ANKRD55: variants seen among roughly 807,000 people sequenced by gnomAD.
ANKRD55 encodes the protein ankyrin repeat domain 55, also known as ankyrin repeat domain-containing protein 55.
ANKRD55 carries 41 observed loss-of-function variants against 60.6 expected under a neutral mutation model. That is an observed-to-expected ratio of 0.68 (90% CI 0.53 to 0.88). The LOEUF is 0.88. Ranked by LOEUF, ANKRD55 falls within the 40% of genes least tolerant of loss-of-function variation. The pLI is 0.00. For missense variants in ANKRD55, 732 were observed against 767.6 expected, an observed-to-expected ratio of 0.95 and a Z score of 0.55; for synonymous variants, 264 against 290.3, an observed-to-expected ratio of 0.91 and a Z score of 0.92.
chr5:56,228,121 T>G lies in ANKRD55; in HGVS notation c.58+4735A>C, dbSNP rs557874910. 3.3e-5 allele frequency among the ~76,000 whole-genome samples: 5 copies of G among 152,310 alleles called. No individual in the cohort carries two copies. In the South Asian group the frequency reaches 1.0e-3, roughly 32 times the overall value. On this transcript the variant is annotated intron_variant, in intron 2 of 11. Transcript: ENST00000341048. ...TGTTCTAACCTCTAATCCTGGAACC[T>G]GTGGCTATTCCCTTACATGGCAAGA...
chr5:56,115,214 T>TAAATAAATA (rs147508174), intron 9 of ANKRD55, among the ~76,000 whole-genome samples: 38 of 144,678 alleles, frequency 2.6e-4, no homozygotes, highest in African/African-American at 8.9e-4. Context: ...ATAATAATAA[T>TAAATAAATA]AATAAATAAA....
At chr5:56,101,395 G>T (rs1756268549) in intron 11 of ANKRD55, among the ~76,000 whole-genome samples, 1 of 145,478 alleles carries the variant, frequency 6.9e-6, no homozygotes, top group Non-Finnish European at 1.6e-5. Flanking sequence ...ATGTGGAGGG[G>T]CTGTGTGTGT....
chr5:56,161,713 T>C (rs1199908057), intron 5 of ANKRD55, among the ~76,000 whole-genome samples: 3 of 152,160 alleles, frequency 2.0e-5, no homozygotes, highest in South Asian at 2.1e-4. Flanking sequence ...TGTATCTTCA[T>C]GTATATCAGA....
chr5:56,169,821 T>C (rs1265243103), intron 5 of ANKRD55, among the ~76,000 whole-genome samples: 1 of 152,128 alleles, frequency 6.6e-6, no homozygotes, highest in Non-Finnish European at 1.5e-5. Flanking sequence ...TTGGAAATGC[T>C]CAATTCCTGT....
At chr5:56,211,789 A>T (rs1480949487) in intron 2 of ANKRD55, among the ~76,000 whole-genome samples, 1 of 152,034 alleles carries the variant, frequency 6.6e-6, no homozygotes, top group Non-Finnish European at 1.5e-5. Context: ...TAGAGTTTAT[A>T]CTCACTGTAG....
At chr5:56,117,862 G>T (rs1333379808) in intron 8 of ANKRD55, among the ~76,000 whole-genome samples, 2 of 152,018 alleles carry the variant, frequency 1.3e-5, no homozygotes, top group East Asian at 3.8e-4. Flanking sequence ...GTCCTTCATG[G>T]CTAGGCACAG....
intron 2 of ANKRD55, among the ~76,000 whole-genome samples, chr5:56,189,381 A>G (rs1759042369): frequency 6.6e-6 from 1 of 152,052 alleles, no homozygotes; most frequent in Admixed American, 6.5e-5. Flanking sequence ...GTGTACTTAC[A>G]GTTCAATTGC....
chr5:56,205,469 C>G (rs1235219202), intron 2 of ANKRD55, among the ~76,000 whole-genome samples: 1 of 152,228 alleles, frequency 6.6e-6, no homozygotes, highest in Non-Finnish European at 1.5e-5. Flanking sequence ...GAGGCAATTA[C>G]CTCACAAGCT....
intron 2 of ANKRD55, among the ~76,000 whole-genome samples, chr5:56,228,357 A>C (rs928481726): frequency 6.6e-6 from 1 of 152,070 alleles, no homozygotes; most frequent in Non-Finnish European, 1.5e-5. Flanking sequence ...TGATGAGGCC[A>C]CAGCAGCCAA....
At chr5:56,135,302 T>TTGCTTG (rs1757550960) in intron 7 of ANKRD55, among the ~76,000 whole-genome samples, 1 of 13,462 alleles carries the variant, frequency 7.4e-5, no homozygotes, top group South Asian at 2.1e-3. Flanking sequence ...TTGCTTTCTT[T>TTGCTTG]CTTTCTTTCT....
chr5:56,171,364 C>T (rs1162005288), intron 4 of ANKRD55, among the ~76,000 whole-genome samples: 5 of 152,208 alleles, frequency 3.3e-5, no homozygotes, highest in Non-Finnish European at 7.3e-5. Flanking sequence ...GTAAAGTCCT[C>T]AAGAAACTTT....
rs564040525 is a variant in ANKRD55, at chr5:56,120,854, G to A, written c.798-4072C>T. On this transcript the variant is annotated intron_variant, in intron 8 of 11. Coordinates refer to ENST00000341048, the MANE Select transcript of ANKRD55 (RefSeq NM_024669.3). ...GCAGAGGTTGCAGTGAGCCAAGATC[G>A]CGCCACTGCTACTCTAGCCTGGGCG... Among the ~76,000 whole-genome samples, 50 of 148,894 alleles carry A rather than the reference G, an allele frequency of 3.4e-4. No individual in the cohort carries two copies. The South Asian group carries it at 7.3e-3, about 22-fold the overall frequency.
chr5:56,138,455 T>C (rs1167358179), intron 7 of ANKRD55, among the ~76,000 whole-genome samples: 1 of 152,150 alleles, frequency 6.6e-6, no homozygotes, highest in Non-Finnish European at 1.5e-5. Flanking sequence ...AAACTAAACA[T>C]ACCCTTATCA....
chr5:56,133,228 C>T (rs985185075), intron 7 of ANKRD55, among the ~76,000 whole-genome samples: 134 of 150,286 alleles, frequency 8.9e-4, no homozygotes, highest in Middle Eastern at 3.4e-3. Flanking sequence ...ATCACAAGGT[C>T]GGGAGTTCGA....
intron 10 of ANKRD55, 35 bp from the exon 11 acceptor site, chr5:56,102,621 A>T (rs1173761504): frequency 1.3e-6 from 2 of 1,502,902 alleles, no homozygotes; most frequent in Non-Finnish European, 1.9e-6. Flanking sequence ...ATTACTTGAG[A>T]CTCAACCAAG....
chr5:56,110,447 G>A (rs1446475627), intron 10 of ANKRD55: 1 of 152,242 alleles, frequency 6.6e-6, no homozygotes, highest in Non-Finnish European at 1.5e-5. Flanking sequence ...TATTTAAAAG[G>A]TGGGATATGT....
chr5:56,148,562 A>T (rs1452283423), intron 6 of ANKRD55, among the ~76,000 whole-genome samples: 1 of 152,194 alleles, frequency 6.6e-6, no homozygotes. Context: ...GCTTTGGAAC[A>T]GTGTCTTGTG....
At chr5:56,203,577 C>T (rs568769798) in intron 2 of ANKRD55, among the ~76,000 whole-genome samples, 113 of 152,230 alleles carry the variant, frequency 7.4e-4, no homozygotes, top group African/African-American at 2.6e-3. Context: ...TGAGTGAGAA[C>T]ATGCGGTGTT....
chr5:56,170,847 C>T (rs369036516), intron 4 of ANKRD55, 44 bp from the exon 5 acceptor site: 53 of 1,541,016 alleles, frequency 3.4e-5, no homozygotes, highest in South Asian at 2.9e-4. Context: ...CAGAAGCTCA[C>T]GTAACATGGT....
Sources: gnomAD v4.1 joint callset for allele counts (sites outside exome capture counted in the v4.1 genomes callset) on GRCh38, gnomAD v4.1.1 for gene constraint, MANE v1.5 for transcripts, NCBI Gene and HGNC (gene_info 2026-07-23, HGNC 2026-07-21) for gene names.